The following RIMS1 variants were observed in gnomAD, a reference collection of about 807,000 sequenced individuals.
RIMS1 encodes the protein regulating synaptic membrane exocytosis protein 1.
Under a neutral mutation model 214.1 loss-of-function variants are expected in RIMS1, and 83 were observed. The ratio of observed to expected loss-of-function variants is 0.39; its 90% CI spans 0.32 to 0.47. RIMS1 has a LOEUF of 0.47. Ranked by LOEUF, RIMS1 falls within the 20% of genes least tolerant of loss-of-function variation. The probability of loss-of-function intolerance (pLI) is 0.99; values close to 1 mark genes in which losing one functional copy is unlikely to be tolerated. For missense variants in RIMS1, 2,050 were observed against 2,161.8 expected (o/e 0.95, Z 1.03); for synonymous variants, 793 against 786.8 (o/e 1.01, Z -0.13).
At chr6:72,048,370 T>C (rs936282291) in intron 2 of RIMS1, among the ~76,000 whole-genome samples, 1 of 152,182 alleles carries the variant, frequency 6.6e-6, no homozygotes, top group African/African-American at 2.4e-5. Flanking sequence ...CCTGTGTCCT[T>C]TTTGGCTAAC....
At chr6:72,072,375 A>T (rs1830765696) in intron 2 of RIMS1, among the ~76,000 whole-genome samples, 1 of 152,174 alleles carries the variant, frequency 6.6e-6, no homozygotes, top group Non-Finnish European at 1.5e-5. Flanking sequence ...CATCAGGAGG[A>T]ATGGTACATA....
At chr6:71,979,732 C>A (rs1421571765) in intron 2 of RIMS1, among the ~76,000 whole-genome samples, 1 of 151,938 alleles carries the variant, frequency 6.6e-6, no homozygotes, top group Non-Finnish European at 1.5e-5. Flanking sequence ...AGTTTATATT[C>A]CATGACATAC....
chr6:72,179,684 G>A lies in RIMS1; in HGVS notation c.581G>A (p.Ser194Asn). Residue 194 changes from serine (S) to asparagine (N), a missense_variant, in exon 5 of 34, where the codon AGT becomes AAT. Ser to Asn is a conservative substitution (Grantham distance 46). Around this residue, in one of 6 missense-constraint regions of RIMS1, gnomAD observed 882 missense variants for 828.9 expected, o/e 1.06. Coordinates refer to ENST00000521978, the MANE Select transcript of RIMS1 (RefSeq NM_014989.7). ...CAGACAAGTCAGGATGGAACCCTGA[G>A]TGATACAGCTACAGGTGCTGGCTCT... Reference protein sequence around the residue: ...PQQTSQDGTLSDTATGAGSEV... With the variant: ...PQQTSQDGTLNDTATGAGSEV... The A allele has an allele frequency of 6.2e-7, 1 of 1,613,930 alleles. No homozygotes were observed. The highest frequency in any genetic ancestry group is 8.5e-7 in the Non-Finnish European group (1 of 1,179,872).
intron 4 of RIMS1, among the ~76,000 whole-genome samples, chr6:72,146,202 G>C (rs1192747920): frequency 6.6e-6 from 1 of 152,098 alleles, no homozygotes; most frequent in Non-Finnish European, 1.5e-5. Context: ...TCGGAAACTG[G>C]CATTGTCTCA....
At chr6:72,341,014 G>T (rs2097066130) in intron 29 of RIMS1, among the ~76,000 whole-genome samples, 1 of 151,880 alleles carries the variant, frequency 6.6e-6, no homozygotes, top group South Asian at 2.1e-4. Flanking sequence ...TTGTAAGTTG[G>T]ATTCCTAGGT....
intron 4 of RIMS1, among the ~76,000 whole-genome samples, chr6:72,103,406 A>C (rs908684677): frequency 6.6e-6 from 1 of 152,124 alleles, no homozygotes; most frequent in Non-Finnish European, 1.5e-5. Context: ...GCATATTATC[A>C]AAGTTCTGGT....
intron 2 of RIMS1, among the ~76,000 whole-genome samples, chr6:71,985,039 C>CTGTT (rs1216031606): frequency 1.3e-5 from 2 of 152,092 alleles, no homozygotes; most frequent in Non-Finnish European, 2.9e-5. Flanking sequence ...GGAGAGTCAA[C>CTGTT]TGTTAGATAT....
At chr6:71,959,110 G>A (rs1327450219) in intron 1 of RIMS1, among the ~76,000 whole-genome samples, 1 of 152,006 alleles carries the variant, frequency 6.6e-6, no homozygotes, top group Non-Finnish European at 1.5e-5. Flanking sequence ...ATTCACAATA[G>A]AAAATGAAAG....
intron 6 of RIMS1, among the ~76,000 whole-genome samples, chr6:72,208,788 G>T (rs1236327364): frequency 6.6e-6 from 1 of 151,956 alleles, no homozygotes; most frequent in Non-Finnish European, 1.5e-5. Context: ...CTACCCAAAC[G>T]TCTTCTCTCC....
intron 1 of RIMS1, among the ~76,000 whole-genome samples, chr6:71,915,135 T>G (rs998585024): frequency 2.6e-5 from 4 of 152,278 alleles, no homozygotes; most frequent in African/African-American, 7.2e-5. Context: ...TTTGTGGGTA[T>G]TATTCAATGT....
chr6:72,371,053 A>G (rs2098200493), intron 29 of RIMS1, among the ~76,000 whole-genome samples: 1 of 152,204 alleles, frequency 6.6e-6, no homozygotes, highest in South Asian at 2.1e-4. Context: ...TTAAAATTAT[A>G]TTTGTCAACT....
chr6:72,112,517 C>T (rs933858281), intron 4 of RIMS1, among the ~76,000 whole-genome samples: 3 of 152,130 alleles, frequency 2.0e-5, no homozygotes, highest in African/African-American at 7.2e-5. Flanking sequence ...CCTCTCCTGT[C>T]ACTGTCCTAT....
intron 2 of RIMS1, among the ~76,000 whole-genome samples, chr6:71,971,065 C>T (rs114375104): frequency 0.072 from 10,941 of 152,014 alleles, 490 homozygotes; most frequent in Middle Eastern, 0.11. Context: ...GAGTGCCCCC[C>T]AGGTTAGTAT....
At chr6:71,984,472 TA>T (rs199556598) in intron 2 of RIMS1, among the ~76,000 whole-genome samples, 5,993 of 152,242 alleles carry the variant, frequency 0.039, 246 homozygotes, top group East Asian at 0.16. Flanking sequence ...ACAGTGTTAC[TA>T]AAATTTTTTA....
rs866875897 is a variant in RIMS1, at chr6:72,179,747, G to A, written c.644G>A (p.Arg215Gln). The A allele has an allele frequency of 1.2e-6, 2 of 1,613,830 alleles. No individual in the cohort carries two copies. Among genetic ancestry groups the A allele is most frequent in the Non-Finnish European group, 1.7e-6 (2 of 1,179,870 alleles). The change falls in exon 5 of 34, where the codon CGA (arginine) becomes CAA (glutamine). Residue 215 changes from arginine (R) to glutamine (Q), a missense_variant. Around this residue, in one of 6 missense-constraint regions of RIMS1, gnomAD observed 882 missense variants for 828.9 expected, o/e 1.06. Coordinates refer to ENST00000521978, the MANE Select transcript of RIMS1 (RefSeq NM_014989.7). ...GAAAAGAAAGCACGACTCCAAGAGCGATCGCGGTCTCAGACACCCCTAAGC... is the reference window on the plus strand; with the variant it reads ...GAAAAGAAAGCACGACTCCAAGAGCAATCGCGGTCTCAGACACCCCTAAGC... Reference protein sequence around the residue: ...PREKKARLQERSRSQTPLSTA... With the variant: ...PREKKARLQEQSRSQTPLSTA...
intron 31 of RIMS1, among the ~76,000 whole-genome samples, chr6:72,396,561 C>G (rs2098779812): frequency 6.6e-6 from 1 of 151,790 alleles, no homozygotes; most frequent in South Asian, 2.1e-4. Flanking sequence ...AAACCAAGAC[C>G]CCTAATTGGA....
chr6:72,127,785 T>C (rs777293314), intron 4 of RIMS1, among the ~76,000 whole-genome samples: 3 of 152,184 alleles, frequency 2.0e-5, no homozygotes, highest in Non-Finnish European at 4.4e-5. Context: ...CACTTTTTTG[T>C]TGAATAAGCA....
intron 2 of RIMS1, among the ~76,000 whole-genome samples, chr6:71,990,846 G>C (rs1801383284): frequency 6.6e-6 from 1 of 151,998 alleles, no homozygotes; most frequent in African/African-American, 2.4e-5. Flanking sequence ...GGTTGAGACT[G>C]TGGGTTTCAT....
chr6:72,339,720 T>C (rs1021565217), intron 29 of RIMS1, among the ~76,000 whole-genome samples: 1 of 152,018 alleles, frequency 6.6e-6, no homozygotes, highest in African/African-American at 2.4e-5. Flanking sequence ...GTCTTTGCTA[T>C]TGTGAATAGT....
Sources: allele counts gnomAD v4.1 joint callset (sites outside exome capture counted in the v4.1 genomes callset), GRCh38; gene constraint gnomAD v4.1.1; regional missense constraint gnomAD v4.1.1; transcripts MANE v1.5; gene names NCBI Gene and HGNC (gene_info 2026-07-23, HGNC 2026-07-21).